Variants in PLEKHA6 observed in about 807,000 individuals in gnomAD.
The protein encoded by PLEKHA6 is pleckstrin homology domain containing A6.
Under a neutral mutation model 116.7 loss-of-function variants are expected in PLEKHA6, and 60 were observed. The ratio of observed to expected loss-of-function variants is 0.51; its 90% CI spans 0.42 to 0.64. The LOEUF (loss-of-function observed/expected upper bound fraction) is 0.64, where lower values mean the gene tolerates loss of function less well. Among genes scored for constraint, PLEKHA6 ranks in the 30% least tolerant of loss-of-function variants. The pLI is 0.00. For missense variants in PLEKHA6, 1,338 were observed against 1,422.7 expected, an observed-to-expected ratio of 0.94 and a Z score of 0.96; for synonymous variants, 489 against 556.1, an observed-to-expected ratio of 0.88 and a Z score of 1.70.
intron 1 of PLEKHA6, among the ~76,000 whole-genome samples, chr1:204,322,540 G>A (rs981165904): frequency 5.9e-5 from 9 of 152,130 alleles, no homozygotes; most frequent in Non-Finnish European, 1.3e-4. Flanking sequence ...TGCCATTAGT[G>A]GACAATAGAA....
In PLEKHA6 at chr1:204,277,117, G is replaced by A. The variant is rs975330123; in HGVS notation, c.-94-2308C>T. 2.0e-5 allele frequency: 3 copies of A among 152,684 alleles called. No individual in the cohort carries two copies. The highest frequency in any genetic ancestry group is 2.9e-5 in the Non-Finnish European group (2 of 68,084). The allele number at this position is 152,684 out of a possible 1,614,324, so 9.5% of individuals were successfully genotyped here. A position where few individuals can be genotyped will look rare whatever the true frequency, so the allele number is the denominator to read the frequency against. On this transcript the variant is annotated intron_variant, in intron 1 of 22. Transcript: ENST00000272203. The surrounding 1 kb of genome is among the most constrained non-coding windows in gnomAD (Gnocchi z 4.1). ...CATGCCTCTGAGAAGTAAGTCCTCT[G>A]GTCCAACTCGTAAGGCTGTGGCAGA...
In PLEKHA6 at chr1:204,228,596, C is replaced by G. The variant is rs2102412764; in HGVS notation, c.2885+132G>C. 1 of 810,504 alleles carries G rather than the reference C, an allele frequency of 1.2e-6. No homozygotes were observed. The highest frequency in any genetic ancestry group is 2.0e-6 in the Non-Finnish European group (1 of 492,008). The allele number at this position is 810,504 out of a possible 1,614,324, so 50.2% of individuals were successfully genotyped here. A position where few individuals can be genotyped will look rare whatever the true frequency, so the allele number is the denominator to read the frequency against. On this transcript the variant is annotated intron_variant, in intron 20 of 22. Coordinates refer to ENST00000272203, the MANE Select transcript of PLEKHA6 (RefSeq NM_014935.5). This position sits in a 1 kb window ranked among gnomAD's most constrained non-coding sequence, Gnocchi z 4.0. ...GCCTCTGCCGGTAGCTGGGCCCTGT[C>G]TGCTGCCTGGAGTCACCACCTCGAT...
chr1:204,310,981 G>C (rs951327418), intron 1 of PLEKHA6, among the ~76,000 whole-genome samples: 8 of 152,152 alleles, frequency 5.3e-5, no homozygotes, highest in African/African-American at 1.7e-4. Context: ...CTAGAGTTAG[G>C]GAAACCCCTT....
intron 1 of PLEKHA6, among the ~76,000 whole-genome samples, chr1:204,280,686 G>A (rs1668506389): frequency 6.6e-6 from 1 of 152,200 alleles, no homozygotes; most frequent in Non-Finnish European, 1.5e-5. Context: ...CCATGCTCCA[G>A]AGAGGATTTC....
At chr1:204,348,082 C>T (rs1026799218) in intron 1 of PLEKHA6, among the ~76,000 whole-genome samples, 1 of 152,194 alleles carries the variant, frequency 6.6e-6, no homozygotes, top group Non-Finnish European at 1.5e-5. Flanking sequence ...TGGCCTGTAA[C>T]ACCACATGTT....
intron 1 of PLEKHA6, among the ~76,000 whole-genome samples, chr1:204,358,747 C>G (rs1042507506): frequency 6.6e-6 from 1 of 152,094 alleles, no homozygotes; most frequent in Non-Finnish European, 1.5e-5. Context: ...GCAGCTCTCC[C>G]TCCCCACCCC....
chr1:204,269,941 C>T (rs1048793892), intron 3 of PLEKHA6, among the ~76,000 whole-genome samples: 1 of 152,312 alleles, frequency 6.6e-6, no homozygotes, highest in East Asian at 1.9e-4. Flanking sequence ...CTTCAATACA[C>T]CCAATGTCCA....
At chr1:204,348,259 C>T (rs1400860842) in intron 1 of PLEKHA6, among the ~76,000 whole-genome samples, 1 of 152,188 alleles carries the variant, frequency 6.6e-6, no homozygotes, top group African/African-American at 2.4e-5. Context: ...GCTTCTTGAC[C>T]CTCTGCAACC....
chr1:204,234,224 G>A (rs1476740825), intron 17 of PLEKHA6, among the ~76,000 whole-genome samples: 1 of 152,150 alleles, frequency 6.6e-6, no homozygotes, highest in African/African-American at 2.4e-5. Flanking sequence ...CAGAGATTTG[G>A]TTGATGCATC....
chr1:204,295,712 AC>A (rs2103054159), intron 1 of PLEKHA6, among the ~76,000 whole-genome samples: 1 of 151,908 alleles, frequency 6.6e-6, no homozygotes, highest in African/African-American at 2.4e-5. Flanking sequence ...CTCATCTGAA[AC>A]CCTCACCCCA....
At chr1:204,375,915 T>C (rs1262972259) in intron 1 of PLEKHA6, among the ~76,000 whole-genome samples, 1 of 151,692 alleles carries the variant, frequency 6.6e-6, no homozygotes, top group Non-Finnish European at 1.5e-5. Context: ...CTTCCAAGGC[T>C]TCTTTCACTC....
intron 1 of PLEKHA6, among the ~76,000 whole-genome samples, chr1:204,327,884 C>T (rs1417869689): frequency 1.3e-5 from 2 of 152,206 alleles, no homozygotes; most frequent in African/African-American, 4.8e-5. Context: ...GCTGGCTTTC[C>T]TTTCCCATTT....
At chr1:204,306,000 G>A (rs948172996) in intron 1 of PLEKHA6, among the ~76,000 whole-genome samples, 3 of 152,146 alleles carry the variant, frequency 2.0e-5, no homozygotes, top group African/African-American at 7.2e-5. Flanking sequence ...TATCGACATT[G>A]AGAGTTGAGA....
rs539418904 is a variant in PLEKHA6 at position 204,285,488 on chromosome 1, T to TTTG, written c.-94-10680_-94-10679insCAA. 2.3e-3 allele frequency among the ~76,000 whole-genome samples: 346 copies of TTTG among 152,070 alleles called. 2 individuals carry two copies. Among genetic ancestry groups the TTTG allele is most frequent in the South Asian group, 0.016 (78 of 4,810 alleles). On this transcript the variant is annotated intron_variant, in intron 1 of 22. Transcript: ENST00000272203. ...TTTTTTGGTTGTTTTTGTTTTTGTT[T>TTTG]TTTTTGAGACACGTTCTTGTTCTGT...
intron 1 of PLEKHA6, among the ~76,000 whole-genome samples, chr1:204,353,622 C>T (rs998871748): frequency 2.0e-5 from 3 of 152,144 alleles, no homozygotes; most frequent in East Asian, 1.9e-4. Flanking sequence ...ACTTTCAGGT[C>T]GCATTGCTTT....
intron 18 of PLEKHA6, 71 bp from the exon 19 acceptor site, chr1:204,229,175 C>T: frequency 6.9e-7 from 1 of 1,456,488 alleles, no homozygotes; most frequent in African/African-American, 1.4e-5. Context: ...TATGCCCTGT[C>T]CTCGCTTTCC....
chr1:204,319,835 G>C (rs1671991606), intron 1 of PLEKHA6, among the ~76,000 whole-genome samples: 2 of 152,140 alleles, frequency 1.3e-5, no homozygotes, highest in Admixed American at 1.3e-4. Flanking sequence ...AGGAAAGAGA[G>C]AAGGGAGAAA....
intron 1 of PLEKHA6, among the ~76,000 whole-genome samples, chr1:204,293,175 C>T (rs1278005796): frequency 6.6e-6 from 1 of 152,100 alleles, no homozygotes; most frequent in Non-Finnish European, 1.5e-5. Context: ...TGCTCTGTCA[C>T]CCAGGCTGCA....
At chr1:204,334,634 C>T (rs920790903) in intron 1 of PLEKHA6, among the ~76,000 whole-genome samples, 1 of 152,142 alleles carries the variant, frequency 6.6e-6, no homozygotes. Flanking sequence ...GTGGGTGGTT[C>T]ATGCCTGTCA....
Sources: allele counts gnomAD v4.1 joint callset (sites outside exome capture counted in the v4.1 genomes callset), GRCh38; gene constraint gnomAD v4.1.1; non-coding constraint Gnocchi (gnomAD v3.1); transcripts MANE v1.5; gene names NCBI Gene and HGNC (gene_info 2026-07-23, HGNC 2026-07-21).